CTNNA3: variants seen among roughly 807,000 people sequenced by gnomAD.
CTNNA3 encodes catenin alpha 3, also known as catenin alpha-3.
Under a neutral mutation model 95.7 loss-of-function variants are expected in CTNNA3, and 76 were observed. The ratio of observed to expected loss-of-function variants is 0.79; its 90% CI spans 0.66 to 0.96. CTNNA3 has a LOEUF of 0.96. Among genes scored for constraint, CTNNA3 ranks in the 40% least tolerant of loss-of-function variants. The pLI, the probability that CTNNA3 is intolerant of heterozygous loss-of-function variation, is 0.00. For synonymous variants in CTNNA3, 431 were observed against 374.4 expected, an observed-to-expected ratio of 1.15 and a Z score of -1.74; for missense variants, 1,191 against 1,089.8, an observed-to-expected ratio of 1.09 and a Z score of -1.31.
intron 13 of CTNNA3, among the ~76,000 whole-genome samples, chr10:66,171,690 T>C (rs2085440772): frequency 6.6e-6 from 1 of 152,122 alleles, no homozygotes; most frequent in African/African-American, 2.4e-5. Context: ...AGGTTTGGAC[T>C]AGCCAAGTAT....
intron 7 of CTNNA3, among the ~76,000 whole-genome samples, chr10:67,139,055 T>C (rs1860423361): frequency 6.6e-6 from 1 of 152,198 alleles, no homozygotes; most frequent in Non-Finnish European, 1.5e-5. Context: ...AGTGTGAAAA[T>C]AAAAGATACA....
At chr10:67,597,270 A>G (rs1265672154) in intron 3 of CTNNA3, among the ~76,000 whole-genome samples, 1 of 152,142 alleles carries the variant, frequency 6.6e-6, no homozygotes, top group Non-Finnish European at 1.5e-5. Flanking sequence ...TCTTTCAGCC[A>G]TTTCAGTTGG....
intron 5 of CTNNA3, among the ~76,000 whole-genome samples, chr10:67,433,454 T>C (rs1329922009): frequency 5.3e-5 from 8 of 152,072 alleles, no homozygotes; most frequent in African/African-American, 1.9e-4. Context: ...AGACAGGAAG[T>C]GACCACACGC....
chr10:66,900,347 C>T (rs1925587), intron 7 of CTNNA3, among the ~76,000 whole-genome samples: 59,923 of 151,880 alleles, frequency 0.39, 12,130 homozygotes, highest in Non-Finnish European at 0.43. Flanking sequence ...AGGACATCCC[C>T]AATAAAACCC....
At chr10:67,119,824 C>T (rs1193946283) in intron 7 of CTNNA3, among the ~76,000 whole-genome samples, 3 of 151,712 alleles carry the variant, frequency 2.0e-5, no homozygotes, top group South Asian at 4.1e-4. Context: ...TGTGACACAT[C>T]GTATTTATTT....
At position 66,803,610 on chromosome 10, in the gene CTNNA3, G is replaced by C. The variant is rs114021980; in HGVS notation, c.1048-28086C>G. On this transcript the variant is annotated intron_variant, in intron 7 of 17. Transcript: ENST00000433211. ...AACAACATGAACCATTTATTGAATA[G>C]ACACTTATTGCAGGCAGAGACAAGC... 1.5e-3 allele frequency among the ~76,000 whole-genome samples: 226 copies of C among 152,082 alleles called. 1 individual carries two copies. Among genetic ancestry groups the C allele is most frequent in the African/African-American group, 4.8e-3 (198 of 41,524 alleles).
At chr10:66,890,142 A>G (rs1181502897) in intron 7 of CTNNA3, among the ~76,000 whole-genome samples, 3 of 152,174 alleles carry the variant, frequency 2.0e-5, no homozygotes, top group Non-Finnish European at 4.4e-5. Flanking sequence ...CATTTTGGAC[A>G]TGTAAGGTTT....
At chr10:66,671,677 C>T (rs1158345806) in intron 9 of CTNNA3, among the ~76,000 whole-genome samples, 2 of 152,158 alleles carry the variant, frequency 1.3e-5, no homozygotes, top group Non-Finnish European at 2.9e-5. Context: ...ATATATTCAG[C>T]TGATAAACCA....
chr10:66,008,075 C>T (rs1054412577), intron 15 of CTNNA3, among the ~76,000 whole-genome samples: 7 of 151,994 alleles, frequency 4.6e-5, no homozygotes, highest in Admixed American at 2.0e-4. Flanking sequence ...CATATTGAAC[C>T]GGGCTGAGAA....
At chr10:67,394,184 T>G (rs944083535) in intron 5 of CTNNA3, among the ~76,000 whole-genome samples, 4 of 152,126 alleles carry the variant, frequency 2.6e-5, no homozygotes, top group African/African-American at 9.7e-5. Context: ...TTTATTTTCT[T>G]TCTTCCCTCA....
At chr10:66,541,770 C>T (rs1841860186) in intron 10 of CTNNA3, among the ~76,000 whole-genome samples, 1 of 152,118 alleles carries the variant, frequency 6.6e-6, no homozygotes, top group African/African-American at 2.4e-5. Flanking sequence ...CCTTACTACT[C>T]AGTGGATTCT....
intron 15 of CTNNA3, among the ~76,000 whole-genome samples, chr10:66,021,754 C>G (rs568677005): frequency 6.7e-6 from 1 of 149,992 alleles, no homozygotes; most frequent in South Asian, 2.1e-4. Flanking sequence ...CAAAACAATA[C>G]TAAACTTAGA....
At chr10:66,633,635 C>A (rs552456675) in intron 9 of CTNNA3, among the ~76,000 whole-genome samples, 2 of 151,846 alleles carry the variant, frequency 1.3e-5, no homozygotes, top group African/African-American at 4.8e-5. Context: ...AGCCGAGATC[C>A]TGCCACTGCA....
intron 7 of CTNNA3, among the ~76,000 whole-genome samples, chr10:67,004,973 A>T (rs182174269): frequency 9.2e-5 from 14 of 152,248 alleles, no homozygotes; most frequent in Non-Finnish European, 1.8e-4. Flanking sequence ...AATTAGTAAG[A>T]CTGAATTTGT....
chr10:67,177,024 T>G (rs1044113736), intron 7 of CTNNA3: 9 of 465,122 alleles, frequency 1.9e-5, no homozygotes, highest in Non-Finnish European at 3.0e-5. Context: ...ACACTAAGTG[T>G]GTGGTAATTT....
intron 5 of CTNNA3, among the ~76,000 whole-genome samples, chr10:67,451,553 A>G (rs1846982455): frequency 6.6e-6 from 1 of 152,182 alleles, no homozygotes; most frequent in Non-Finnish European, 1.5e-5. Flanking sequence ...GAGGAAATAC[A>G]TCTAGCAAAA....
At chr10:67,453,090 G>A (rs925718996) in intron 5 of CTNNA3, among the ~76,000 whole-genome samples, 6 of 152,028 alleles carry the variant, frequency 3.9e-5, no homozygotes, top group Non-Finnish European at 7.4e-5. Context: ...AGTTATGTAG[G>A]AGCACTACAG....
chr10:67,245,641 C>T (rs1013501123), intron 5 of CTNNA3, among the ~76,000 whole-genome samples: 2 of 152,036 alleles, frequency 1.3e-5, no homozygotes, highest in African/African-American at 2.4e-5. Flanking sequence ...GGGCGGATCA[C>T]GAAGTCAAGA....
intron 7 of CTNNA3, among the ~76,000 whole-genome samples, chr10:67,153,087 T>C (rs1861156195): frequency 6.6e-6 from 1 of 152,108 alleles, no homozygotes; most frequent in African/African-American, 2.4e-5. Flanking sequence ...GCGATTCTCC[T>C]GCCTCAGCCT....
Sources: gnomAD v4.1 joint callset for allele counts (sites outside exome capture counted in the v4.1 genomes callset) on GRCh38, gnomAD v4.1.1 for gene constraint, MANE v1.5 for transcripts, NCBI Gene and HGNC (gene_info 2026-07-23, HGNC 2026-07-21) for gene names.